Variants in PTPRT observed in about 807,000 individuals in gnomAD.
PTPRT encodes receptor-type tyrosine-protein phosphatase T.
In PTPRT, 56 loss-of-function variants were observed where a neutral mutation model predicts 176.8. The ratio of observed to expected loss-of-function variants is 0.32; its 90% CI spans 0.26 to 0.40. The LOEUF is 0.40. PTPRT is among the 10% of genes least tolerant of loss of function. PTPRT has a pLI of 1.00. For missense variants in PTPRT, 1,540 were observed against 1,908.2 expected (o/e 0.81, Z 3.60); for synonymous variants, 783 against 739.0 (o/e 1.06, Z -0.96).
chr20:42,962,693 C>T lies in PTPRT; in HGVS notation c.89-76761G>A, dbSNP rs75313799. ...TATGGAAGAAGCAGAAAAGTATTTA[C>T]AAATGTAAAAGGACTCAGAAAGGAT... On this transcript the variant is annotated intron_variant, in intron 1 of 30. Coordinates refer to ENST00000373187, the MANE Select transcript of PTPRT (RefSeq NM_007050.6). 4.2e-3 allele frequency among the ~76,000 whole-genome samples: 639 copies of T among 152,276 alleles called. 6 individuals are homozygous for T. Among genetic ancestry groups the T allele is most frequent in the African/African-American group, 0.014 (601 of 41,540 alleles).
At chr20:42,470,811 C>G (rs533684366) in intron 8 of PTPRT, among the ~76,000 whole-genome samples, 5 of 151,586 alleles carry the variant, frequency 3.3e-5, no homozygotes. Context: ...TGGGTAAGGA[C>G]AGAGAGGCAG....
chr20:42,219,435 C>T (rs561830188), intron 15 of PTPRT, among the ~76,000 whole-genome samples: 34 of 152,252 alleles, frequency 2.2e-4, no homozygotes, highest in Middle Eastern at 3.4e-3. Flanking sequence ...ACTCCCCCTG[C>T]GCCTTTCTAG....
chr20:42,037,071 A>C, the PTPRT span, among the ~76,000 whole-genome samples: 1 of 152,218 alleles, frequency 6.6e-6, no homozygotes, highest in Admixed American at 6.5e-5. Context: ...CTCCATGGCC[A>C]TGCAGCAGAA....
In PTPRT at chr20:42,205,896, T is replaced by C. The variant is rs910081902; in HGVS notation, c.2343-6508A>G. Among the ~76,000 whole-genome samples the C allele has an allele frequency of 2.0e-5, 3 of 152,162 alleles. No homozygotes were observed. In the East Asian group the frequency reaches 5.8e-4, roughly 29 times the overall value. On this transcript the variant is annotated intron_variant, in intron 15 of 30. Coordinates refer to ENST00000373187, the MANE Select transcript of PTPRT (RefSeq NM_007050.6). The stretch of plus-strand genomic sequence containing the variant: ...TGTCCTCTTTGAATCCAGGATGCTC[T>C]GCTGGCATGACTAGATCTCAGCTTA...
At chr20:42,375,059 T>C (rs1003576) in intron 9 of PTPRT, among the ~76,000 whole-genome samples, 80,608 of 152,100 alleles carry the variant, frequency 0.53, 21,712 homozygotes, top group Non-Finnish European at 0.57. Flanking sequence ...AGCCATAGCT[T>C]GAAGTTAATC....
chr20:42,115,412 A>G, intron 21 of PTPRT, 97 bp from the exon 22 acceptor site: 1 of 940,544 alleles, frequency 1.1e-6, no homozygotes. Context: ...TGGTCGTCCC[A>G]TCCAAATAAA....
chr20:42,896,911 G>A (rs1192219707), intron 1 of PTPRT, among the ~76,000 whole-genome samples: 5 of 152,200 alleles, frequency 3.3e-5, no homozygotes, highest in South Asian at 2.1e-4. Context: ...TCTTGCCCCC[G>A]GAATGAATGT....
At chr20:42,815,404 T>C (rs2145633923) in intron 2 of PTPRT, among the ~76,000 whole-genome samples, 1 of 152,290 alleles carries the variant, frequency 6.6e-6, no homozygotes, top group Non-Finnish European at 1.5e-5. Context: ...ACACCAAGGA[T>C]GGAGGCAAAG....
chr20:42,534,839 A>G (rs1357546394), intron 7 of PTPRT, among the ~76,000 whole-genome samples: 1 of 152,108 alleles, frequency 6.6e-6, no homozygotes, highest in Non-Finnish European at 1.5e-5. Flanking sequence ...AATGGGGCCA[A>G]CTATCAACCT....
In PTPRT at chr20:42,115,199, C is replaced by A. The variant is rs978028316; in HGVS notation, c.3099G>T (p.Lys1033Asn). ...EYVIRTFTVQ[K>N]KGYHEIRELR... ...TGCCCACAGCCTCCAAGAAGCTTACCTTCTGGACTGTGAAGGTGCGTATGA... is the reference window on the plus strand; with the variant it reads ...TGCCCACAGCCTCCAAGAAGCTTACATTCTGGACTGTGAAGGTGCGTATGA... The change falls in exon 22 of 31, where the codon AAG (lysine) becomes AAT (asparagine). Residue 1033 changes from lysine to asparagine, a missense_variant and splice_region_variant. This residue lies in a region of PTPRT where 248 missense variants were observed against 356.7 expected (regional missense o/e 0.70). Transcript: ENST00000373187. 2.5e-6 allele frequency: 4 copies of A among 1,612,118 alleles called. No homozygotes were observed. In the African/African-American group the frequency reaches 4.0e-5, roughly 16 times the overall value.
chr20:42,905,312 A>C (rs2079460451), intron 1 of PTPRT, among the ~76,000 whole-genome samples: 1 of 152,246 alleles, frequency 6.6e-6, no homozygotes. Flanking sequence ...AGACACATGA[A>C]AAAATGCTCA....
chr20:42,409,138 C>T (rs2058988656), intron 9 of PTPRT, among the ~76,000 whole-genome samples: 1 of 152,146 alleles, frequency 6.6e-6, no homozygotes, highest in African/African-American at 2.4e-5. Flanking sequence ...ATAGTTATAC[C>T]ATTGCAATCA....
chr20:42,615,861 C>T lies in PTPRT; in HGVS notation c.1153+62005G>A, dbSNP rs547049926. Reference sequence around the variant, plus strand: ...AGCCCTTTGTCAGATGAGTAGGTTGCGAAAATTTTCTCCCATTTTGTAGGT... The same window carrying T: ...AGCCCTTTGTCAGATGAGTAGGTTGTGAAAATTTTCTCCCATTTTGTAGGT... On this transcript the variant is annotated intron_variant, in intron 7 of 30. Coordinates refer to ENST00000373187, the MANE Select transcript of PTPRT (RefSeq NM_007050.6). Among the ~76,000 whole-genome samples, 29 of 113,370 alleles carry T rather than the reference C, an allele frequency of 2.6e-4. 4 individuals are homozygous for T. The highest frequency in any genetic ancestry group is 8.2e-4 in the South Asian group (3 of 3,652). 74.4% of individuals were successfully genotyped at this position (113,370 alleles called of 152,430 possible).
At chr20:42,721,428 G>T (rs1451785902) in intron 6 of PTPRT, among the ~76,000 whole-genome samples, 39 of 152,188 alleles carry the variant, frequency 2.6e-4, no homozygotes, top group Non-Finnish European at 2.9e-5. Flanking sequence ...GTGGATGGAA[G>T]CGTGGTGGGT....
In PTPRT at chr20:42,332,679, A is replaced by T. The variant is rs539848533; in HGVS notation, c.1866-16683T>A. On this transcript the variant is annotated intron_variant, in intron 11 of 30. Transcript: ENST00000373187. Reference sequence around the variant, plus strand: ...TGAGAATAAACGAAGTCTCTCTGTCACTGTAAAGAAAACTGACAGTATTTG... The same window carrying T: ...TGAGAATAAACGAAGTCTCTCTGTCTCTGTAAAGAAAACTGACAGTATTTG... Among the ~76,000 whole-genome samples the T allele has an allele frequency of 3.3e-5, 5 of 152,102 alleles. No individual in the cohort carries two copies. The South Asian group carries it at 1.0e-3, about 32-fold the overall frequency.
chr20:42,553,355 C>A (rs968021056), intron 7 of PTPRT, among the ~76,000 whole-genome samples: 2 of 151,014 alleles, frequency 1.3e-5, no homozygotes, highest in Non-Finnish European at 2.9e-5. Context: ...CATTTTCACT[C>A]TCTCTCATTT....
intron 12 of PTPRT, among the ~76,000 whole-genome samples, chr20:42,308,002 C>T (rs778484726): frequency 5.3e-5 from 8 of 152,138 alleles, no homozygotes; most frequent in Admixed American, 2.0e-4. Flanking sequence ...CCACTTCTAC[C>T]GGCACCATGA....
At chr20:42,398,522 G>A (rs1832308806) in intron 9 of PTPRT, among the ~76,000 whole-genome samples, 1 of 152,116 alleles carries the variant, frequency 6.6e-6, no homozygotes, top group Non-Finnish European at 1.5e-5. Flanking sequence ...TGAAAATGAT[G>A]AGTGTATTAT....
chr20:42,268,083 GAA>G (rs2056869514), intron 13 of PTPRT, among the ~76,000 whole-genome samples: 1 of 152,126 alleles, frequency 6.6e-6, no homozygotes, highest in South Asian at 2.1e-4. Flanking sequence ...GTGCTGATAT[GAA>G]AAGAGGCTCC....
Sources: gnomAD v4.1 joint callset for allele counts (sites outside exome capture counted in the v4.1 genomes callset) on GRCh38, gnomAD v4.1.1 for gene constraint, gnomAD v4.1.1 regional missense constraint, MANE v1.5 for transcripts, NCBI Gene and HGNC (gene_info 2026-07-23, HGNC 2026-07-21) for gene names.